The following REV1 variants were observed in gnomAD, a reference collection of about 807,000 sequenced individuals.
The protein encoded by REV1 is translesion synthesis protein REV1.
REV1 carries 42 observed loss-of-function variants against 137.4 expected under a neutral mutation model. The observed-to-expected ratio is 0.31, with a 90% CI of 0.24 to 0.40. The LOEUF (loss-of-function observed/expected upper bound fraction) is 0.40, where lower values mean the gene tolerates loss of function less well. Among genes scored for constraint, REV1 ranks in the 10% least tolerant of loss-of-function variants. The pLI, the probability that REV1 is intolerant of heterozygous loss-of-function variation, is 1.00. For synonymous variants in REV1, 524 were observed against 519.2 expected, an observed-to-expected ratio of 1.01 and a Z score of -0.12; for missense variants, 1,282 against 1,490.1, an observed-to-expected ratio of 0.86 and a Z score of 2.30.
At chr2:99,421,230 GA>G (rs149963012) in intron 11 of REV1, among the ~76,000 whole-genome samples, 6 of 147,260 alleles carry the variant, frequency 4.1e-5, no homozygotes, top group South Asian at 4.3e-4. Flanking sequence ...TCACTTTTGG[GA>G]AAAAAAAAAC....
Position 99,438,847 on chromosome 2 carries a change from T to C in REV1, c.967A>G (p.Thr323Ala). The C allele has an allele frequency of 6.2e-7, 1 of 1,614,244 alleles. No individual in the cohort carries two copies. The highest frequency in any genetic ancestry group is 8.5e-7 in the Non-Finnish European group (1 of 1,180,044). The change falls in exon 6 of 23, where the codon ACA (threonine) becomes GCA (alanine). Residue 323 changes from threonine (T) to alanine (A), a missense_variant. Coordinates refer to ENST00000258428, the MANE Select transcript of REV1 (RefSeq NM_016316.4). The part of the protein sequence containing the change: ...HHSTVQGPSS[T>A]KSTSSVSTFS... ...GTAGATACTGAAGAAGTGCTTTTTGTGCTTGAAGGCCCCTGAACAGTGGAG... is the reference window on the plus strand; with the variant it reads ...GTAGATACTGAAGAAGTGCTTTTTGCGCTTGAAGGCCCCTGAACAGTGGAG...
chr2:99,403,580 A>C, intron 19 of REV1, 115 bp downstream of exon 19: 11 of 1,260,908 alleles, frequency 8.7e-6, no homozygotes, highest in Non-Finnish European at 1.3e-5. Flanking sequence ...CCCAATATGA[A>C]GAGCTCTTAA....
intron 6 of REV1, among the ~76,000 whole-genome samples, chr2:99,436,397 C>A (rs555932847): frequency 6.6e-6 from 1 of 152,078 alleles, no homozygotes; most frequent in East Asian, 1.9e-4. Context: ...GGTAGGTAAT[C>A]GTATCATCTC....
intron 8 of REV1, 121 bp downstream of exon 8, chr2:99,434,211 C>T: frequency 1.9e-6 from 1 of 538,134 alleles, no homozygotes; most frequent in Admixed American, 3.1e-5. Flanking sequence ...CCTTAAAACC[C>T]CTGAATGAAA....
intron 16 of REV1, 74 bp downstream of exon 16, chr2:99,406,251 A>G (rs1676278914): frequency 2.0e-6 from 3 of 1,492,940 alleles, no homozygotes; most frequent in African/African-American, 2.8e-5. Flanking sequence ...AGCTGTGTCA[A>G]TTTTAAAACC....
chr2:99,484,135 A>C (rs1686903170), intron 1 of REV1, among the ~76,000 whole-genome samples: 2 of 152,222 alleles, frequency 1.3e-5, no homozygotes, highest in African/African-American at 4.8e-5. Context: ...CAGAACACCA[A>C]ACACCACATG....
chr2:99,408,302 A>G, intron 14 of REV1, 171 bp from the exon 15 acceptor site: 1 of 396,074 alleles, frequency 2.5e-6, no homozygotes, highest in South Asian at 1.0e-4. Context: ...ATACCAAATT[A>G]GTTACACTGG....
At chr2:99,423,037 GTTAA>G (rs1021943567) in intron 10 of REV1, among the ~76,000 whole-genome samples, 3 of 152,304 alleles carry the variant, frequency 2.0e-5, no homozygotes, top group South Asian at 2.1e-4. Context: ...TAACTGGAAA[GTTAA>G]TTAGTGTGTT....
intron 12 of REV1, among the ~76,000 whole-genome samples, chr2:99,413,671 A>G (rs1294579182): frequency 6.6e-6 from 1 of 152,190 alleles, no homozygotes; most frequent in Non-Finnish European, 1.5e-5. Context: ...AAGGATACTG[A>G]TTAATTCTGT....
intron 3 of REV1, among the ~76,000 whole-genome samples, chr2:99,450,968 G>C (rs943832056): frequency 2.0e-5 from 3 of 152,144 alleles, no homozygotes; most frequent in African/African-American, 7.2e-5. Flanking sequence ...ATTAATAATG[G>C]AAGTTTTCAG....
intron 4 of REV1, among the ~76,000 whole-genome samples, chr2:99,447,781 G>A (rs946399239): frequency 1.1e-4 from 16 of 150,624 alleles, no homozygotes; most frequent in African/African-American, 1.5e-4. Context: ...GTGCAGTGGC[G>A]CCATCTCAGC....
At chr2:99,442,797 G>A (rs528742772) in intron 4 of REV1, among the ~76,000 whole-genome samples, 1 of 151,960 alleles carries the variant, frequency 6.6e-6, no homozygotes, top group Non-Finnish European at 1.5e-5. Flanking sequence ...ACTGAATAAG[G>A]ATGCTCAATT....
At chr2:99,480,899 A>T (rs1686538303) in intron 1 of REV1, among the ~76,000 whole-genome samples, 1 of 152,240 alleles carries the variant, frequency 6.6e-6, no homozygotes, top group Admixed American at 6.5e-5. Flanking sequence ...ATTCTTCAAG[A>T]CACCAGAAGT....
chr2:99,443,865 C>T (rs906064197), intron 4 of REV1, among the ~76,000 whole-genome samples: 13 of 149,912 alleles, frequency 8.7e-5, no homozygotes, highest in Non-Finnish European at 4.4e-5. Context: ...TTTTTTGAGA[C>T]GGAGTCTCGC....
intron 1 of REV1, among the ~76,000 whole-genome samples, chr2:99,467,199 T>G (rs1410800859): frequency 6.6e-6 from 1 of 152,062 alleles, no homozygotes; most frequent in Non-Finnish European, 1.5e-5. Flanking sequence ...ATAAGAAAAT[T>G]CCTTAATGAT....
chr2:99,452,678 C>A lies in REV1; in HGVS notation c.182-3174G>T, dbSNP rs944077573. On this transcript the variant is annotated intron_variant, in intron 3 of 22. Transcript: ENST00000258428. ...CCTTGTCTGTCAAGCACTTTCATAT[C>A]CCTGACATAAAGCAGGTGCTCAGTG... 2.0e-5 allele frequency among the ~76,000 whole-genome samples: 3 copies of A among 152,326 alleles called. No homozygotes were observed. The Middle Eastern group carries it at 0.01, about 518-fold the overall frequency.
chr2:99,438,630 C>A lies in REV1; in HGVS notation c.1184G>T (p.Gly395Val). Residue 395 changes from glycine to valine, a missense_variant, in exon 6 of 23, where the codon GGC (glycine) becomes GTC (valine). Coordinates refer to ENST00000258428, the MANE Select transcript of REV1 (RefSeq NM_016316.4). ...GREKLKKMKT[G>V]RSALVVTDTG... The stretch of plus-strand genomic sequence containing the variant: ...GTCAGTTACAACAAGTGCAGACCTG[C>A]CTGTTTTCATTTTTTTTAACTTTTC... 1.2e-6 allele frequency: 2 copies of A among 1,613,576 alleles called. No individual in the cohort carries two copies. Among genetic ancestry groups the A allele is most frequent in the African/African-American group, 1.3e-5 (1 of 75,046 alleles).
intron 9 of REV1, among the ~76,000 whole-genome samples, chr2:99,427,796 CAT>C (rs1203836305): frequency 6.6e-6 from 1 of 151,948 alleles, no homozygotes; most frequent in African/African-American, 2.4e-5. Flanking sequence ...AAGTTAAATT[CAT>C]TTTCATCACT....
At chr2:99,426,655 T>C (rs116061811) in intron 9 of REV1, among the ~76,000 whole-genome samples, 1,705 of 152,268 alleles carry the variant, frequency 0.011, 19 homozygotes, top group Middle Eastern at 0.048. Context: ...CTTTGTTCCA[T>C]AGAAAATAAA....
Sources: gnomAD v4.1 joint callset for allele counts (sites outside exome capture counted in the v4.1 genomes callset) on GRCh38, gnomAD v4.1.1 for gene constraint, MANE v1.5 for transcripts, NCBI Gene and HGNC (gene_info 2026-07-23, HGNC 2026-07-21) for gene names.